Variants in CKAP5 observed in about 807,000 individuals in gnomAD.
CKAP5 encodes cytoskeleton-associated protein 5.
A neutral mutation model predicts 232.8 loss-of-function variants in CKAP5; 27 were observed. The ratio of observed to expected loss-of-function variants is 0.12; its 90% confidence interval spans 0.09 to 0.16. The LOEUF is 0.16. CKAP5 is among the 10% of genes least tolerant of loss of function. CKAP5 has a pLI of 1.00. For synonymous variants in CKAP5, 785 were observed against 841.1 expected (o/e 0.93, Z 1.16); for missense variants, 1,838 against 2,424.7 (o/e 0.76, Z 5.08).
At chr11:46,761,901 A>G in intron 32 of CKAP5, 99 bp downstream of exon 32, 1 of 966,052 alleles carries the variant, frequency 1.0e-6, no homozygotes, top group Non-Finnish European at 1.6e-6. Flanking sequence ...AAAAAGTAGT[A>G]AAAACTTAGC....
chr11:46,757,521 T>C (rs1773250077), intron 35 of CKAP5, among the ~76,000 whole-genome samples: 2 of 152,294 alleles, frequency 1.3e-5, no homozygotes, highest in Non-Finnish European at 2.9e-5. Context: ...ATTTTCATTT[T>C]GTCACATTGT....
intron 4 of CKAP5, among the ~76,000 whole-genome samples, chr11:46,812,832 G>A (rs1347128122): frequency 2.0e-5 from 3 of 151,922 alleles, no homozygotes; most frequent in Admixed American, 6.6e-5. Context: ...TTGTAGAGAC[G>A]GGGTTTCTCC....
chr11:46,829,367 T>C (rs1394916176), intron 1 of CKAP5, among the ~76,000 whole-genome samples: 1 of 152,196 alleles, frequency 6.6e-6, no homozygotes, highest in East Asian at 1.9e-4. Flanking sequence ...ACAGTCTACT[T>C]ACTGTCTCTA....
chr11:46,813,763 C>T (rs915347895), intron 4 of CKAP5, among the ~76,000 whole-genome samples: 6 of 152,116 alleles, frequency 3.9e-5, no homozygotes, highest in African/African-American at 1.4e-4. Flanking sequence ...TTTTCCTACC[C>T]TTATTCTCCC....
Position 46,818,318 on chromosome 11 carries a change from T to C in CKAP5, c.243A>G (p.Val81=), listed in dbSNP as rs1000049092. Residue 81 remains valine (V), a synonymous_variant, in exon 3 of 44, where the codon GTA becomes GTG. Transcript: ENST00000529230. ...AALVYVENAH[V]AGKTTGEVVS... The stretch of plus-strand genomic sequence containing the variant: ...GGAAAGAAAGTACTTACTTTCCTGC[T>C]ACATGGGCATTTTCAACATAAACAA... 1 of 1,584,926 alleles carries C rather than the reference T, an allele frequency of 6.3e-7. No individual in the cohort carries two copies. The highest frequency in any genetic ancestry group is 1.4e-5 in the African/African-American group (1 of 73,022).
At chr11:46,842,365 A>T (rs560869289) in intron 1 of CKAP5, among the ~76,000 whole-genome samples, 2 of 152,330 alleles carry the variant, frequency 1.3e-5, no homozygotes, top group South Asian at 4.1e-4. Context: ...CCCCAGATCC[A>T]GATAGAGCCA....
rs754908716 is a variant in CKAP5 at position 46,809,722 on chromosome 11, G to A, written c.763+20C>T. On this transcript the variant is annotated intron_variant, in intron 6 of 43. Transcript: ENST00000529230. ...GTTCTTGCTAATTTTTGCAGAAACC[G>A]GTGTTTAAAATTGGCTTACCTCCTT... The A allele has an allele frequency of 1.7e-5, 27 of 1,613,126 alleles. No individual in the cohort carries two copies. The highest frequency in any genetic ancestry group is 2.1e-5 in the Non-Finnish European group (25 of 1,179,750).
At chr11:46,744,637 C>T (rs2065009506) in intron 42 of CKAP5, 60 bp from the exon 43 acceptor site, 6 of 1,463,042 alleles carry the variant, frequency 4.1e-6, no homozygotes, top group Non-Finnish European at 5.6e-6. Context: ...TCTAAAGTGC[C>T]TTGGTTAATC....
chr11:46,789,911 A>C (rs1322104166), intron 15 of CKAP5, among the ~76,000 whole-genome samples, 165 bp downstream of exon 15: 2 of 152,256 alleles, frequency 1.3e-5, no homozygotes, highest in East Asian at 3.8e-4. Context: ...GATAGCAAAC[A>C]CTACACAGCT....
intron 1 of CKAP5, among the ~76,000 whole-genome samples, chr11:46,831,099 G>C (rs961186527): frequency 6.6e-6 from 1 of 152,088 alleles, no homozygotes; most frequent in African/African-American, 2.4e-5. Context: ...TGACTTCTGA[G>C]AGTGTGTCTA....
chr11:46,775,718 A>G (rs940127636), intron 24 of CKAP5, among the ~76,000 whole-genome samples: 5 of 152,166 alleles, frequency 3.3e-5, no homozygotes, highest in Admixed American at 2.0e-4. Flanking sequence ...AAACTAACAT[A>G]GGAACAGAAC....
Position 46,809,370 on chromosome 11 carries a change from A to G in CKAP5, c.864+30T>C, listed in dbSNP as rs1259183804. On this transcript the variant is annotated intron_variant, in intron 7 of 43. Transcript: ENST00000529230. ...TATTCAAGTAATTATTTTACAAGAAATAAATGAAAGAAGTTTAACTATTAC... is the reference window on the plus strand; with the variant it reads ...TATTCAAGTAATTATTTTACAAGAAGTAAATGAAAGAAGTTTAACTATTAC... 4 of 1,377,362 alleles carry G rather than the reference A, an allele frequency of 2.9e-6. No homozygotes were observed. In the Admixed American group the frequency reaches 7.2e-5, roughly 25 times the overall value. 85.3% of individuals were successfully genotyped at this position (1,377,362 alleles called of 1,614,324 possible). A position where few individuals can be genotyped will look rare whatever the true frequency, so the allele number is the denominator to read the frequency against.
chr11:46,818,789 T>G (rs1012691482), intron 2 of CKAP5, among the ~76,000 whole-genome samples: 1 of 152,182 alleles, frequency 6.6e-6, no homozygotes, highest in African/African-American at 2.4e-5. Flanking sequence ...TATTACTTCT[T>G]TATAATATTG....
intron 16 of CKAP5, among the ~76,000 whole-genome samples, chr11:46,787,677 G>A (rs2065407874): frequency 6.6e-6 from 1 of 151,936 alleles, no homozygotes; most frequent in African/African-American, 2.4e-5. Flanking sequence ...GGATAAGGAG[G>A]CTTCTAGGCC....
intron 1 of CKAP5, among the ~76,000 whole-genome samples, chr11:46,841,557 G>A (rs1278115499): frequency 6.6e-6 from 1 of 152,160 alleles, no homozygotes; most frequent in Admixed American, 6.5e-5. Context: ...TTGATTCTTA[G>A]GTGGCCAAGT....
rs752772427 is a variant in CKAP5 at position 46,816,214 on chromosome 11, G to C, written c.442C>G (p.Leu148Val). Residue 148 changes from leucine to valine, a missense_variant, in exon 4 of 44, where the codon CTG becomes GTG. By Grantham distance (32) the Leu-to-Val change is conservative. Transcript: ENST00000529230. Reference sequence around the variant, plus strand: ...AAGTCTTACCTTAAGGCTTTCCTCAGTGTCTCTATACAGGCCACTATGATC... The same window carrying C: ...AAGTCTTACCTTAAGGCTTTCCTCACTGTCTCTATACAGGCCACTATGATC... The part of the protein sequence containing the change: ...PKIIVACIET[L>V]RKALSEFGSK... 1.2e-6 allele frequency: 2 copies of C among 1,613,942 alleles called. No homozygotes were observed. Among genetic ancestry groups the C allele is most frequent in the South Asian group, 2.2e-5 (2 of 91,058 alleles).
rs757814343 is a variant in CKAP5 at position 46,816,233 on chromosome 11, T to A, written c.423A>T (p.Ile141=). The A allele has an allele frequency of 6.2e-7, 1 of 1,614,174 alleles. No individual in the cohort carries two copies. The highest frequency in any genetic ancestry group is 1.1e-5 in the South Asian group (1 of 91,082). The change falls in exon 4 of 44, where the codon ATA becomes ATT. Residue 141 remains isoleucine, a synonymous_variant. Coordinates refer to ENST00000529230, the MANE Select transcript of CKAP5 (RefSeq NM_001008938.4). The part of the protein sequence containing the change: ...KGLDNKNPKI[I]VACIETLRKA... ...TCCTCAGTGTCTCTATACAGGCCACTATGATCTTGGGATTCTTATTGTCCA... is the reference window on the plus strand; with the variant it reads ...TCCTCAGTGTCTCTATACAGGCCACAATGATCTTGGGATTCTTATTGTCCA...
chr11:46,772,988 C>T (rs1386001440), intron 24 of CKAP5, among the ~76,000 whole-genome samples: 2 of 152,164 alleles, frequency 1.3e-5, no homozygotes, highest in African/African-American at 2.4e-5. Flanking sequence ...GATCTGCCCC[C>T]GCCTTGGCCT....
intron 4 of CKAP5, among the ~76,000 whole-genome samples, chr11:46,814,131 CAAAA>C (rs60142188): frequency 0.017 from 1,386 of 81,274 alleles, 8 homozygotes; most frequent in Middle Eastern, 0.032. Context: ...GACCTTGTCT[CAAAA>C]AAAAAAAAAA....
Sources: gnomAD v4.1 joint callset for allele counts (sites outside exome capture counted in the v4.1 genomes callset) on GRCh38, gnomAD v4.1.1 for gene constraint, MANE v1.5 for transcripts, NCBI Gene and HGNC (gene_info 2026-07-23, HGNC 2026-07-21) for gene names.